The following GRM8 variants were observed in gnomAD, a reference collection of about 807,000 sequenced individuals.
The protein encoded by GRM8 is metabotropic glutamate receptor 8.
Under a neutral mutation model 87.2 loss-of-function variants are expected in GRM8, and 47 were observed. That is an observed-to-expected ratio of 0.54 (90% CI 0.43 to 0.69). The LOEUF is 0.69. Among genes scored for constraint, GRM8 ranks in the 30% least tolerant of loss-of-function variants. The probability of loss-of-function intolerance (pLI) is 0.00; values close to 1 mark genes in which losing one functional copy is unlikely to be tolerated. For missense variants in GRM8, 1,019 were observed against 1,139.2 expected (o/e 0.89, Z 1.52); for synonymous variants, 396 against 404.5 (o/e 0.98, Z 0.25).
At chr7:126,669,607 A>G (rs1330942920) in intron 7 of GRM8, among the ~76,000 whole-genome samples, 1 of 152,220 alleles carries the variant, frequency 6.6e-6, no homozygotes, top group East Asian at 1.9e-4. Context: ...ACAATTGGTA[A>G]GGCCTGGGGA....
At chr7:126,759,054 C>T (rs944708660) in intron 7 of GRM8, among the ~76,000 whole-genome samples, 1 of 151,868 alleles carries the variant, frequency 6.6e-6, no homozygotes, top group African/African-American at 2.4e-5. Flanking sequence ...CGCATCACCA[C>T]GCCGGGCTAA....
chr7:126,499,684 G>A (rs1427843503), intron 9 of GRM8, among the ~76,000 whole-genome samples: 1 of 151,876 alleles, frequency 6.6e-6, no homozygotes, highest in Admixed American at 6.6e-5. Context: ...CAGGCACAGA[G>A]AGAAAAATAT....
chr7:126,995,496 A>G (rs1813094037), intron 3 of GRM8, among the ~76,000 whole-genome samples: 2 of 152,214 alleles, frequency 1.3e-5, no homozygotes, highest in Admixed American at 1.3e-4. Flanking sequence ...TATCAGATAC[A>G]TTTAACAAAG....
intron 2 of GRM8, among the ~76,000 whole-genome samples, chr7:127,109,912 G>A (rs982501075): frequency 1.3e-5 from 2 of 152,102 alleles, no homozygotes; most frequent in African/African-American, 4.8e-5. Flanking sequence ...ACCCTAGGAG[G>A]CTGCTCTCTA....
chr7:126,650,699 T>G (rs1173946415), intron 7 of GRM8, among the ~76,000 whole-genome samples: 1 of 151,466 alleles, frequency 6.6e-6, no homozygotes, highest in Non-Finnish European at 1.5e-5. Context: ...TCTGAAGATA[T>G]TTGTATCCCA....
chr7:126,813,812 C>A (rs543122785), intron 6 of GRM8, among the ~76,000 whole-genome samples: 47 of 152,062 alleles, frequency 3.1e-4, no homozygotes, highest in Admixed American at 4.6e-4. Context: ...TAATGCATTT[C>A]TAATTTGGGG....
chr7:126,972,395 C>T (rs1810517779), intron 3 of GRM8, among the ~76,000 whole-genome samples: 1 of 152,196 alleles, frequency 6.6e-6, no homozygotes, highest in Admixed American at 6.5e-5. Flanking sequence ...CCAGGCATCT[C>T]TACACTGTCA....
chr7:126,858,726 G>A (rs1333850372), intron 6 of GRM8, among the ~76,000 whole-genome samples: 6 of 152,116 alleles, frequency 3.9e-5, no homozygotes, highest in Admixed American at 1.3e-4. Flanking sequence ...TCTACTTCAT[G>A]TTCCTTGTTT....
chr7:126,757,638 A>C (rs201067781), intron 7 of GRM8, among the ~76,000 whole-genome samples: 1 of 152,144 alleles, frequency 6.6e-6, no homozygotes, highest in East Asian at 1.9e-4. Flanking sequence ...TTCTGTGAGC[A>C]TGGACAACTG....
rs551089303 is a variant in GRM8 at position 126,583,508 on chromosome 7, T to C, written c.1494+25854A>G. Among the ~76,000 whole-genome samples, 8 of 152,276 alleles carry C rather than the reference T, an allele frequency of 5.3e-5. No individual in the cohort carries two copies. In the East Asian group the frequency reaches 1.5e-3, roughly 29 times the overall value. On this transcript the variant is annotated intron_variant, in intron 8 of 10. Coordinates refer to ENST00000339582, the MANE Select transcript of GRM8 (RefSeq NM_000845.3). ...CCTGGAAAGGCTTCACCATTCTAGA[T>C]GCCATTGAGAACATTCAAGATTCAT...
chr7:126,830,483 A>T (rs978391115), intron 6 of GRM8, among the ~76,000 whole-genome samples: 1 of 152,152 alleles, frequency 6.6e-6, no homozygotes, highest in Non-Finnish European at 1.5e-5. Flanking sequence ...CCTGTCTTCC[A>T]GTTGATCTCA....
At chr7:126,493,925 C>T (rs1808365884) in intron 9 of GRM8, among the ~76,000 whole-genome samples, 1 of 151,912 alleles carries the variant, frequency 6.6e-6, no homozygotes, top group Non-Finnish European at 1.5e-5. Flanking sequence ...GATCAGCTGG[C>T]TGTAGAAGGC....
intron 10 of GRM8, 86 bp from the exon 11 acceptor site, chr7:126,439,254 T>C (rs1801178353): frequency 2.4e-6 from 2 of 818,526 alleles, no homozygotes; most frequent in Admixed American, 1.8e-5. Flanking sequence ...AGTCCTGTAA[T>C]GACTTTTTAA....
Position 126,727,278 on chromosome 7 carries a change from T to C in GRM8, c.1357+42587A>G, listed in dbSNP as rs1343287066. 2.0e-5 allele frequency among the ~76,000 whole-genome samples: 3 copies of C among 152,012 alleles called. No homozygotes were observed. In the East Asian group the frequency reaches 5.8e-4, roughly 29 times the overall value. On this transcript the variant is annotated intron_variant, in intron 7 of 10. Transcript: ENST00000339582. Reference sequence around the variant, plus strand: ...ACATTTGAGTGCATTAAGAACATACTTTTTAAAAAATGCTGATCATTGACA... The same window carrying C: ...ACATTTGAGTGCATTAAGAACATACCTTTTAAAAAATGCTGATCATTGACA...
chr7:126,901,907 T>G (rs1280379934), intron 6 of GRM8, among the ~76,000 whole-genome samples: 3 of 152,194 alleles, frequency 2.0e-5, no homozygotes, highest in Non-Finnish European at 4.4e-5. Flanking sequence ...CTTGCTAAAT[T>G]TACTGCTCAG....
intron 3 of GRM8, among the ~76,000 whole-genome samples, chr7:126,976,901 A>AT (rs35457348): frequency 0.37 from 53,799 of 146,040 alleles, 10,110 homozygotes; most frequent in East Asian, 0.66. Context: ...TATTTTCATT[A>AT]TTTTTTTTTT....
intron 2 of GRM8, among the ~76,000 whole-genome samples, chr7:127,150,142 A>G (rs1828775170): frequency 6.6e-6 from 1 of 152,092 alleles, no homozygotes; most frequent in African/African-American, 2.4e-5. Flanking sequence ...TTGAATATAT[A>G]CAATACAATT....
intron 6 of GRM8, among the ~76,000 whole-genome samples, chr7:126,895,809 T>A (rs1479538591): frequency 6.6e-6 from 1 of 151,998 alleles, no homozygotes; most frequent in African/African-American, 2.4e-5. Context: ...TAACTGAAAA[T>A]CAATGTGAAG....
chr7:126,832,558 T>A (rs1795492646), intron 6 of GRM8, among the ~76,000 whole-genome samples: 3 of 152,192 alleles, frequency 2.0e-5, no homozygotes, highest in Admixed American at 2.0e-4. Flanking sequence ...TGCCTACTTT[T>A]TAAAAATTGT....
Sources: allele counts gnomAD v4.1 joint callset (sites outside exome capture counted in the v4.1 genomes callset), GRCh38; gene constraint gnomAD v4.1.1; transcripts MANE v1.5; gene names NCBI Gene and HGNC (gene_info 2026-07-23, HGNC 2026-07-21).